The following GALNT14 variants were observed in gnomAD, a reference collection of about 807,000 sequenced individuals.
GALNT14 encodes the protein polypeptide N-acetylgalactosaminyltransferase 14, also known as UDP-GalNAc:polypeptide N-acetylgalactosaminyltransferase 14.
GALNT14 carries 60 observed loss-of-function variants against 77.5 expected under a neutral mutation model. The observed-to-expected ratio is 0.77, with a 90% CI of 0.63 to 0.96. The LOEUF is 0.96. GALNT14 is among the 40% of genes least tolerant of loss of function. The pLI is 0.00. For synonymous variants in GALNT14, 280 were observed against 281.7 expected, an observed-to-expected ratio of 0.99 and a Z score of 0.06; for missense variants, 710 against 731.0, an observed-to-expected ratio of 0.97 and a Z score of 0.33.
At chr2:31,012,927 T>C (rs1671123749) in intron 1 of GALNT14, among the ~76,000 whole-genome samples, 2 of 151,954 alleles carry the variant, frequency 1.3e-5, no homozygotes, top group Admixed American at 6.5e-5. Context: ...AAGGATTAGA[T>C]GATTAAATAA....
rs1377115833 is a variant in GALNT14, at chr2:30,915,990, C to T, written c.1381-3648G>A. ...GGATTAAACAAGTTTTATCAGGGGT[C>T]TGAAGAAACTCCCCAGACCTCCACA... is the stretch of plus-strand genomic sequence containing the variant. On this transcript the variant is annotated intron_variant, in intron 13 of 14. Coordinates refer to ENST00000349752, the MANE Select transcript of GALNT14 (RefSeq NM_024572.4). Among the ~76,000 whole-genome samples, 8 of 152,228 alleles carry T rather than the reference C, an allele frequency of 5.3e-5. 1 individual carries two copies. The South Asian group carries it at 1.7e-3, about 32-fold the overall frequency.
At chr2:30,902,358 A>C in the GALNT14 span, among the ~76,000 whole-genome samples, 8 of 151,982 alleles carry the variant, frequency 5.3e-5, no homozygotes, top group Non-Finnish European at 1.0e-4. Context: ...AGAGTTTTGA[A>C]CCTCCATTTT....
chr2:31,042,224 T>C (rs555725227), intron 1 of GALNT14, among the ~76,000 whole-genome samples: 16 of 152,312 alleles, frequency 1.1e-4, no homozygotes, highest in African/African-American at 3.4e-4. Context: ...TTAGCTCCCC[T>C]GGTGAATATA....
chr2:30,976,957 G>A (rs1668668153), intron 2 of GALNT14, among the ~76,000 whole-genome samples: 1 of 152,110 alleles, frequency 6.6e-6, no homozygotes, highest in Admixed American at 6.5e-5. Context: ...AGTGAGTGGT[G>A]GGGCCTCAAC....
At chr2:31,029,521 T>G (rs568585455) in intron 1 of GALNT14, among the ~76,000 whole-genome samples, 92 of 152,336 alleles carry the variant, frequency 6.0e-4, no homozygotes, top group Middle Eastern at 6.8e-3. Context: ...CCTGTAATCA[T>G]ATAGAACCAC....
At chr2:30,993,651 C>T (rs543873428) in intron 1 of GALNT14, among the ~76,000 whole-genome samples, 2 of 152,340 alleles carry the variant, frequency 1.3e-5, no homozygotes, top group East Asian at 3.9e-4. Flanking sequence ...GAGTGAGTAA[C>T]AACCCTCACC....
At chr2:30,942,112 G>T in intron 9 of GALNT14, 89 bp downstream of exon 9, 2 of 821,328 alleles carry the variant, frequency 2.4e-6, no homozygotes, top group South Asian at 1.6e-5. Context: ...CTGACAGCTT[G>T]GTGTTGGATC....
At chr2:30,894,935 G>T in the GALNT14 span, among the ~76,000 whole-genome samples, 1 of 152,210 alleles carries the variant, frequency 6.6e-6, no homozygotes, top group Admixed American at 6.5e-5. Context: ...TGTACTATCA[G>T]TTCCCCAGAG....
chr2:31,072,648 C>G (rs1236584476), intron 1 of GALNT14, among the ~76,000 whole-genome samples: 1 of 152,140 alleles, frequency 6.6e-6, no homozygotes, highest in Non-Finnish European at 1.5e-5. Context: ...ACAGGCATCT[C>G]TCCTATAGGA....
chr2:30,904,862 C>A, the GALNT14 span, among the ~76,000 whole-genome samples: 1 of 152,188 alleles, frequency 6.6e-6, no homozygotes, highest in Non-Finnish European at 1.5e-5. Context: ...AGCTGGAGAT[C>A]TGAGAACGGG....
intron 1 of GALNT14, among the ~76,000 whole-genome samples, chr2:31,051,187 G>C (rs186627115): frequency 1.3e-5 from 2 of 152,252 alleles, no homozygotes; most frequent in African/African-American, 4.8e-5. Flanking sequence ...GGACTAACAG[G>C]CCCAGCGGAT....
At chr2:30,972,524 G>A (rs72787241) in intron 2 of GALNT14, among the ~76,000 whole-genome samples, 2,793 of 152,294 alleles carry the variant, frequency 0.018, 34 homozygotes, top group Non-Finnish European at 0.031. Context: ...ATCCTATGAG[G>A]CTGCTACTGG....
chr2:30,887,428 CAT>C, the GALNT14 span, among the ~76,000 whole-genome samples: 1 of 152,110 alleles, frequency 6.6e-6, no homozygotes, highest in Non-Finnish European at 1.5e-5. Flanking sequence ...CATCCTAGTG[CAT>C]GGTATCTCAT....
At chr2:31,103,636 C>T (rs1468483782) in intron 1 of GALNT14, among the ~76,000 whole-genome samples, 1 of 152,086 alleles carries the variant, frequency 6.6e-6, no homozygotes, top group Non-Finnish European at 1.5e-5. Context: ...GCTTATATTA[C>T]TTCATTTGTC....
chr2:31,040,864 T>C (rs1279693144), intron 1 of GALNT14, among the ~76,000 whole-genome samples: 4 of 152,146 alleles, frequency 2.6e-5, no homozygotes, highest in African/African-American at 7.2e-5. Flanking sequence ...GCCCACCACA[T>C]GGGCTATAAA....
chr2:31,104,642 C>T (rs1390944451), intron 1 of GALNT14, among the ~76,000 whole-genome samples: 1 of 152,214 alleles, frequency 6.6e-6, no homozygotes, highest in Non-Finnish European at 1.5e-5. Flanking sequence ...ATTCCTCAGT[C>T]TTTCTCTGTT....
chr2:30,899,384 C>T, the GALNT14 span, among the ~76,000 whole-genome samples: 1 of 152,182 alleles, frequency 6.6e-6, no homozygotes, highest in Non-Finnish European at 1.5e-5. Flanking sequence ...CTGGCCATCT[C>T]TAGGGGCACT....
intron 9 of GALNT14, among the ~76,000 whole-genome samples, chr2:30,938,646 G>C (rs1265225376): frequency 6.6e-6 from 1 of 152,192 alleles, no homozygotes; most frequent in Non-Finnish European, 1.5e-5. Context: ...GGAAATGGTG[G>C]CACTGAGGTC....
At chr2:31,030,623 C>T (rs1423838473) in intron 1 of GALNT14, among the ~76,000 whole-genome samples, 1 of 152,164 alleles carries the variant, frequency 6.6e-6, no homozygotes, top group Non-Finnish European at 1.5e-5. Context: ...TCATGTCTGC[C>T]ATCTGCTGAA....
Sources: gnomAD v4.1 joint callset for allele counts (sites outside exome capture counted in the v4.1 genomes callset) on GRCh38, gnomAD v4.1.1 for gene constraint, MANE v1.5 for transcripts, NCBI Gene and HGNC (gene_info 2026-07-23, HGNC 2026-07-21) for gene names.